Variants in DDR2 observed in about 807,000 individuals in gnomAD.
The protein encoded by DDR2 is discoidin domain-containing receptor 2.
Under a neutral mutation model 94.9 loss-of-function variants are expected in DDR2, and 27 were observed. The observed-to-expected ratio is 0.28, with a 90% confidence interval of 0.21 to 0.39. The LOEUF is 0.39. DDR2 is among the 10% of genes least tolerant of loss of function. DDR2 has a pLI of 1.00. For missense variants in DDR2, 783 were observed against 1,076.0 expected (o/e 0.73, Z 3.81); for synonymous variants, 382 against 377.2 (o/e 1.01, Z -0.15).
intron 2 of DDR2, among the ~76,000 whole-genome samples, chr1:162,694,427 G>A (rs1302392718): frequency 1.3e-5 from 2 of 152,114 alleles, no homozygotes; most frequent in Non-Finnish European, 2.9e-5. Flanking sequence ...GCATCTACCT[G>A]TGGAGTTCTT....
intron 1 of DDR2, among the ~76,000 whole-genome samples, chr1:162,636,952 T>A (rs1232244371): frequency 6.6e-6 from 1 of 152,176 alleles, no homozygotes; most frequent in African/African-American, 2.4e-5. Flanking sequence ...TAAGATAGTT[T>A]TCCACTGATT....
At chr1:162,635,564 C>T (rs964148429) in intron 1 of DDR2, among the ~76,000 whole-genome samples, 1 of 152,172 alleles carries the variant, frequency 6.6e-6, no homozygotes, top group African/African-American at 2.4e-5. Flanking sequence ...ACACTGGACT[C>T]TTTATACCTC....
At chr1:162,752,584 C>T (rs758334151) in intron 3 of DDR2, among the ~76,000 whole-genome samples, 7 of 152,184 alleles carry the variant, frequency 4.6e-5, no homozygotes, top group South Asian at 2.1e-4. Context: ...GGAGCCAGAA[C>T]ATGGTTCTAA....
rs563386464 is a variant in DDR2, at chr1:162,643,804, C to T, written c.-192+11173C>T. Among the ~76,000 whole-genome samples the T allele has an allele frequency of 2.6e-5, 4 of 152,276 alleles. No homozygotes were observed. In the East Asian group the frequency reaches 7.7e-4, roughly 29 times the overall value. On this transcript the variant is annotated intron_variant, in intron 1 of 17. Coordinates refer to ENST00000367921, the MANE Select transcript of DDR2 (RefSeq NM_006182.4). ...CCAGAAGATCTAATTTTCTAACTTA[C>T]AATGTACTCGAATATTGAAAGGAAT...
In DDR2 at chr1:162,759,793, C is replaced by A. The variant is rs2102149272; in HGVS notation, c.672-3C>A. The A allele has an allele frequency of 6.2e-7, 1 of 1,613,816 alleles. No individual in the cohort carries two copies. Among genetic ancestry groups the A allele is most frequent in the Non-Finnish European group, 8.5e-7 (1 of 1,180,008 alleles). ...TTTCCTCCTCTTCTCCTGGCCTGAG[C>A]AGCATGACAGAAGGGCTAGGCCAAT... is the stretch of plus-strand genomic sequence containing the variant. On this transcript the variant is annotated splice_polypyrimidine_tract_variant and splice_region_variant and intron_variant, in intron 7 of 17. Transcript: ENST00000367921.
In DDR2 at chr1:162,778,933, T is replaced by C. The variant is rs187096702; in HGVS notation, c.2433+204T>C. 1.3e-3 allele frequency among the ~76,000 whole-genome samples: 200 copies of C among 152,282 alleles called. 1 individual carries two copies. The highest frequency in any genetic ancestry group is 4.6e-3 in the African/African-American group (191 of 41,564). On this transcript the variant is annotated intron_variant, in intron 17 of 17. Coordinates refer to ENST00000367921, the MANE Select transcript of DDR2 (RefSeq NM_006182.4). ...TTTGCTTTATCTATGTGTCAACTCA[T>C]TGACTCTTGGAGAGCATAAAGGGTC... is the stretch of plus-strand genomic sequence containing the variant.
chr1:162,768,170 G>T (rs1173164076), intron 11 of DDR2, among the ~76,000 whole-genome samples: 5 of 152,172 alleles, frequency 3.3e-5, no homozygotes, highest in Non-Finnish European at 7.3e-5. Context: ...GAAATGCATT[G>T]ATTTCTTTCT....
rs554195673 is a variant in DDR2, at chr1:162,686,563, C to T, written c.-28+31189C>T. On this transcript the variant is annotated intron_variant, in intron 2 of 17. Coordinates refer to ENST00000367921, the MANE Select transcript of DDR2 (RefSeq NM_006182.4). ...GATATGAACTCATTGTTTTTTATGG[C>T]TGCGTAGTATTCCATGGTATATATG... 2.0e-5 allele frequency among the ~76,000 whole-genome samples: 3 copies of T among 152,264 alleles called. No homozygotes were observed. The South Asian group carries it at 6.2e-4, about 32-fold the overall frequency.
intron 13 of DDR2, among the ~76,000 whole-genome samples, chr1:162,772,780 T>G (rs187842037): frequency 6.6e-6 from 1 of 152,328 alleles, no homozygotes; most frequent in African/African-American, 2.4e-5. Flanking sequence ...ATTAAACTTT[T>G]CATTCTTGCA....
At chr1:162,780,033 A>G in intron 17 of DDR2, 79 bp from the exon 18 acceptor site, 2 of 1,601,794 alleles carry the variant, frequency 1.2e-6, no homozygotes, top group Admixed American at 3.3e-5. Flanking sequence ...CCATGATGCA[A>G]AGATACTTCC....
rs75695321 is a variant in DDR2 at position 162,733,460 on chromosome 1, T to C, written c.82+14315T>C. On this transcript the variant is annotated intron_variant, in intron 3 of 17. Coordinates refer to ENST00000367921, the MANE Select transcript of DDR2 (RefSeq NM_006182.4). ...TCATCCAAGATCATCTTGTCCATTTTCCTGTGCCTTTTCTCTAAGGCCCTT... is the reference window on the plus strand; with the variant it reads ...TCATCCAAGATCATCTTGTCCATTTCCCTGTGCCTTTTCTCTAAGGCCCTT... Among the ~76,000 whole-genome samples the C allele has an allele frequency of 5.2e-3, 790 of 152,332 alleles. 8 individuals are homozygous for C. The highest frequency in any genetic ancestry group is 0.018 in the African/African-American group (767 of 41,570).
At chr1:162,746,386 G>A (rs964413528) in intron 3 of DDR2, among the ~76,000 whole-genome samples, 4 of 152,218 alleles carry the variant, frequency 2.6e-5, no homozygotes, top group Admixed American at 6.5e-5. Context: ...ACACCAGTCC[G>A]AGATCGAACT....
At chr1:162,780,062 A>C in intron 17 of DDR2, 50 bp from the exon 18 acceptor site, 2 of 1,602,778 alleles carry the variant, frequency 1.2e-6, no homozygotes, top group Non-Finnish European at 1.7e-6. Flanking sequence ...CGTCTTTGTA[A>C]TATTCTCTCT....
chr1:162,656,838 T>TTTTG (rs1657997385), intron 2 of DDR2, among the ~76,000 whole-genome samples: 1 of 113,820 alleles, frequency 8.8e-6, no homozygotes, highest in African/African-American at 2.9e-5. Context: ...CTGGAGTTTT[T>TTTTG]TTTTTTTTTT....
intron 1 of DDR2, among the ~76,000 whole-genome samples, chr1:162,636,068 A>T (rs1389928355): frequency 6.6e-6 from 1 of 152,186 alleles, no homozygotes; most frequent in African/African-American, 2.4e-5. Flanking sequence ...TCTTTTAATT[A>T]TATTTGTATA....
intron 2 of DDR2, among the ~76,000 whole-genome samples, chr1:162,655,915 A>C (rs1252705971): frequency 6.6e-6 from 1 of 152,224 alleles, no homozygotes; most frequent in Non-Finnish European, 1.5e-5. Flanking sequence ...TTTTGGGGGA[A>C]TTAAATGTAA....
chr1:162,762,613 T>G (rs1246480142), intron 9 of DDR2, among the ~76,000 whole-genome samples: 13 of 152,360 alleles, frequency 8.5e-5, no homozygotes. Context: ...AGAGTAACTA[T>G]TCTTCATCAT....
rs181685175 is a variant in DDR2 at position 162,778,903 on chromosome 1, T to A, written c.2433+174T>A. On this transcript the variant is annotated intron_variant, in intron 17 of 17. Coordinates refer to ENST00000367921, the MANE Select transcript of DDR2 (RefSeq NM_006182.4). ...GACCAGTATCCTCCCCAGGCATCCA[T>A]ACACTTTGCTTTATCTATGTGTCAA... 5.7e-4 allele frequency among the ~76,000 whole-genome samples: 87 copies of A among 152,312 alleles called. 1 individual carries two copies. The highest frequency in any genetic ancestry group is 1.9e-3 in the African/African-American group (80 of 41,572).
intron 1 of DDR2, among the ~76,000 whole-genome samples, chr1:162,639,770 C>CGACA (rs1320082611): frequency 6.6e-6 from 1 of 152,168 alleles, no homozygotes; most frequent in Non-Finnish European, 1.5e-5. Flanking sequence ...TTCAACTTTA[C>CGACA]GACAGTGCAA....
Sources: gnomAD v4.1 joint callset for allele counts (sites outside exome capture counted in the v4.1 genomes callset) on GRCh38, gnomAD v4.1.1 for gene constraint, MANE v1.5 for transcripts, NCBI Gene and HGNC (gene_info 2026-07-23, HGNC 2026-07-21) for gene names.